SNX29: variants seen among roughly 807,000 people sequenced by gnomAD.
The protein encoded by SNX29 is sorting nexin 29.
A neutral mutation model predicts 102.1 loss-of-function variants in SNX29; 78 were observed. That is an observed-to-expected ratio of 0.76 (90% CI 0.64 to 0.92). SNX29 has a LOEUF of 0.92. Among genes scored for constraint, SNX29 ranks in the 40% least tolerant of loss-of-function variants. The probability of loss-of-function intolerance (pLI) is 0.00; values close to 1 mark genes in which losing one functional copy is unlikely to be tolerated. For missense variants in SNX29, 1,280 were observed against 1,061.7 expected, an observed-to-expected ratio of 1.21 and a Z score of -2.86; for synonymous variants, 580 against 414.5, an observed-to-expected ratio of 1.40 and a Z score of -4.85.
chr16:12,437,927 C>G (rs1221802158), intron 18 of SNX29, among the ~76,000 whole-genome samples: 2 of 152,170 alleles, frequency 1.3e-5, no homozygotes, highest in African/African-American at 4.8e-5. Context: ...GCCCAGGGCC[C>G]CAGCGGTCCA....
intron 9 of SNX29, among the ~76,000 whole-genome samples, chr16:12,066,644 G>A (rs1442975863): frequency 1.3e-5 from 2 of 152,048 alleles, no homozygotes; most frequent in African/African-American, 4.8e-5. Flanking sequence ...CCATGATTCA[G>A]GGCCACCTTC....
In SNX29 at chr16:12,568,811, C is replaced by T. The variant is rs1022127552; in HGVS notation, c.*182C>T. On this transcript the variant is annotated 3_prime_UTR_variant, in exon 21 of 21. Transcript: ENST00000566228. The stretch of plus-strand genomic sequence containing the variant: ...TAATCAGTCTTCGAGCCGCATGATA[C>T]CGTGACCCGAGAGACCAAGGCAGCA... The T allele has an allele frequency of 5.8e-5, 57 of 983,944 alleles. No homozygotes were observed. The highest frequency in any genetic ancestry group is 4.3e-4 in the East Asian group (16 of 37,334). 61.0% of individuals were successfully genotyped at this position (983,944 alleles called of 1,614,324 possible).
chr16:12,116,008 T>C (rs985985956), intron 11 of SNX29, among the ~76,000 whole-genome samples: 1 of 152,228 alleles, frequency 6.6e-6, no homozygotes, highest in Non-Finnish European at 1.5e-5. Flanking sequence ...TTTGGATTCA[T>C]TGTGGTGAAA....
intron 15 of SNX29, among the ~76,000 whole-genome samples, chr16:12,350,817 C>G (rs2081972654): frequency 6.6e-6 from 1 of 152,208 alleles, no homozygotes; most frequent in African/African-American, 2.4e-5. Context: ...TCCTTCCCCT[C>G]AGTCTACTGA....
chr16:12,394,643 G>A (rs1322396111), intron 16 of SNX29, among the ~76,000 whole-genome samples: 1 of 152,158 alleles, frequency 6.6e-6, no homozygotes, highest in African/African-American at 2.4e-5. Flanking sequence ...AGTTGGTGCT[G>A]GCTATCCACT....
intron 15 of SNX29, among the ~76,000 whole-genome samples, chr16:12,332,067 T>A (rs916192412): frequency 3.3e-5 from 5 of 151,992 alleles, no homozygotes; most frequent in Admixed American, 6.6e-5. Context: ...CTCAAAAAAA[T>A]AATAATAATA....
intron 11 of SNX29, among the ~76,000 whole-genome samples, chr16:12,105,235 T>C (rs2053186261): frequency 1.4e-5 from 2 of 138,082 alleles, no homozygotes; most frequent in Admixed American, 7.1e-5. Context: ...CTCCCTTCCT[T>C]CCTTCCTTCC....
At position 12,574,095 on chromosome 16, in the gene SNX29, A is replaced by ATT. The variant is rs1390929617; in HGVS notation, c.*5467_*5468dup. ...GTGGAAACGCCCTGAAACCTGTAGTATTATCTTAACTACCCTCTTATGTTA... is the reference window on the plus strand; with the variant it reads ...GTGGAAACGCCCTGAAACCTGTAGTATTTTATCTTAACTACCCTCTTATGTTA... On this transcript the variant is annotated 3_prime_UTR_variant, in exon 21 of 21. Coordinates refer to ENST00000566228, the MANE Select transcript of SNX29 (RefSeq NM_032167.5). 5 of 188,180 alleles carry ATT rather than the reference A, an allele frequency of 2.7e-5. No homozygotes were observed. The highest frequency in any genetic ancestry group is 1.2e-4 in the African/African-American group (5 of 42,834). The allele number at this position is 188,180 out of a possible 1,614,324, so 11.7% of individuals were successfully genotyped here.
chr16:12,223,390 G>A (rs931491368), intron 14 of SNX29, among the ~76,000 whole-genome samples: 1 of 152,208 alleles, frequency 6.6e-6, no homozygotes, highest in South Asian at 2.1e-4. Context: ...GGCTTCGCAC[G>A]GTGGCTTATG....
intron 18 of SNX29, among the ~76,000 whole-genome samples, chr16:12,469,569 A>T (rs570288341): frequency 4.6e-5 from 7 of 152,310 alleles, no homozygotes; most frequent in African/African-American, 1.7e-4. Context: ...AGTTGATAAC[A>T]CTTGTTTTTC....
At chr16:12,319,546 C>A (rs1461829086) in intron 15 of SNX29, among the ~76,000 whole-genome samples, 1 of 152,162 alleles carries the variant, frequency 6.6e-6, no homozygotes, top group East Asian at 1.9e-4. Flanking sequence ...TACAGTGTTT[C>A]CAGCTGCCAT....
At chr16:12,044,259 T>G (rs1216947029) in intron 5 of SNX29, among the ~76,000 whole-genome samples, 5 of 152,342 alleles carry the variant, frequency 3.3e-5, no homozygotes, top group Admixed American at 6.5e-5. Flanking sequence ...TGATTTTATG[T>G]CTTGCCCTGT....
chr16:12,040,410 A>T (rs1338147590), intron 4 of SNX29, among the ~76,000 whole-genome samples: 1 of 152,202 alleles, frequency 6.6e-6, no homozygotes, highest in Non-Finnish European at 1.5e-5. Flanking sequence ...AACAAATTTT[A>T]AAAATCTGTG....
At chr16:12,127,801 T>C (rs1596990395) in intron 12 of SNX29, among the ~76,000 whole-genome samples, 2 of 152,156 alleles carry the variant, frequency 1.3e-5, no homozygotes, top group East Asian at 1.9e-4. Flanking sequence ...TATCTTAAAG[T>C]TTGCCCAAAT....
intron 20 of SNX29, among the ~76,000 whole-genome samples, chr16:12,541,372 G>A (rs556344763): frequency 2.6e-5 from 4 of 152,194 alleles, no homozygotes; most frequent in African/African-American, 9.6e-5. Flanking sequence ...TCCCTATGAG[G>A]GCAGTTACCA....
intron 19 of SNX29, among the ~76,000 whole-genome samples, chr16:12,487,125 A>C (rs1216693440): frequency 1.3e-5 from 2 of 152,196 alleles, no homozygotes; most frequent in Non-Finnish European, 2.9e-5. Context: ...TGAGGATTGA[A>C]GGTGGTTACA....
intron 20 of SNX29, among the ~76,000 whole-genome samples, chr16:12,545,225 G>C (rs1597877566): frequency 6.6e-6 from 1 of 152,182 alleles, no homozygotes; most frequent in Non-Finnish European, 1.5e-5. Flanking sequence ...GGCAATGACA[G>C]GGAAAGGGCC....
At position 12,524,766 on chromosome 16, in the gene SNX29, A is replaced by C; in HGVS notation, c.2243A>C (p.Lys748Thr). ...AATTACCTGCGCAGCGTCATGAACA[A>C]AGTCATCCAGATGGTCCCCGAGTTC... ...LQNYLRSVMN[K>T]VIQMVPEFAA... is the part of the protein sequence containing the mutation. Residue 748 changes from lysine (K) to threonine (T), a missense_variant, in exon 20 of 21, where the codon AAA becomes ACA. By Grantham distance (78) the Lys-to-Thr change is moderately conservative. Transcript: ENST00000566228. The C allele has an allele frequency of 1.2e-6, 2 of 1,613,748 alleles. No homozygotes were observed. Among genetic ancestry groups the C allele is most frequent in the South Asian group, 2.2e-5 (2 of 91,068 alleles).
chr16:12,090,744 C>T (rs550805155), intron 11 of SNX29, among the ~76,000 whole-genome samples: 2 of 152,242 alleles, frequency 1.3e-5, no homozygotes, highest in Admixed American at 1.3e-4. Context: ...GGTATGGAGG[C>T]TCACACCTGT....
Sources: gnomAD v4.1 joint callset for allele counts (sites outside exome capture counted in the v4.1 genomes callset) on GRCh38, gnomAD v4.1.1 for gene constraint, MANE v1.5 for transcripts, NCBI Gene and HGNC (gene_info 2026-07-23, HGNC 2026-07-21) for gene names.